PLEKHA5: variants seen among roughly 807,000 people sequenced by gnomAD.
PLEKHA5 encodes pleckstrin homology domain containing A5.
Under a neutral mutation model 181.9 loss-of-function variants are expected in PLEKHA5, and 55 were observed. That is an observed-to-expected ratio of 0.30 (90% CI 0.24 to 0.38). PLEKHA5 has a LOEUF of 0.38. Ranked by LOEUF, PLEKHA5 falls within the 10% of genes least tolerant of loss-of-function variation. The pLI, the probability that PLEKHA5 is intolerant of heterozygous loss-of-function variation, is 1.00. For synonymous variants in PLEKHA5, 535 were observed against 529.4 expected (o/e 1.01, Z -0.15); for missense variants, 1,432 against 1,549.5 (o/e 0.92, Z 1.27).
intron 20 of PLEKHA5, among the ~76,000 whole-genome samples, chr12:19,334,143 G>A (rs1209474098): frequency 6.6e-6 from 1 of 152,124 alleles, no homozygotes; most frequent in Non-Finnish European, 1.5e-5. Flanking sequence ...CCAGCCAGAT[G>A]TTGGGAGGAA....
intron 3 of PLEKHA5, among the ~76,000 whole-genome samples, chr12:19,214,429 C>G (rs1220967792): frequency 6.6e-6 from 1 of 151,940 alleles, no homozygotes; most frequent in African/African-American, 2.4e-5. Flanking sequence ...GTACAAATAG[C>G]CTTTTTGACT....
intron 3 of PLEKHA5, among the ~76,000 whole-genome samples, chr12:19,220,450 T>A (rs2152297173): frequency 1.3e-5 from 2 of 152,220 alleles, no homozygotes; most frequent in South Asian, 4.1e-4. Context: ...GAGCCCCGGT[T>A]GTGGACAAGC....
At chr12:19,158,414 C>T (rs1198750367) in intron 3 of PLEKHA5, among the ~76,000 whole-genome samples, 7 of 152,170 alleles carry the variant, frequency 4.6e-5, no homozygotes, top group Non-Finnish European at 8.8e-5. Flanking sequence ...TACAATCAAG[C>T]GTCCTGTGTA....
At chr12:19,201,973 A>G (rs1592047267) in intron 3 of PLEKHA5, 1 of 892,070 alleles carries the variant, frequency 1.1e-6, no homozygotes. Flanking sequence ...TTACACTGCA[A>G]TAAAACTAAA....
intron 3 of PLEKHA5, among the ~76,000 whole-genome samples, chr12:19,222,372 T>G (rs2152311835): frequency 6.6e-6 from 1 of 152,256 alleles, no homozygotes; most frequent in African/African-American, 2.4e-5. Flanking sequence ...TGGTACAGTT[T>G]CCCTTTGCAA....
intron 21 of PLEKHA5, among the ~76,000 whole-genome samples, chr12:19,338,895 A>T (rs10841211): frequency 0.66 from 99,718 of 150,652 alleles, 35,915 homozygotes; most frequent in Non-Finnish European, 0.83. Flanking sequence ...AAAAAAAAAA[A>T]AATAAGAAAT....
At chr12:19,133,610 T>C (rs927070342) in intron 3 of PLEKHA5, among the ~76,000 whole-genome samples, 3 of 151,980 alleles carry the variant, frequency 2.0e-5, no homozygotes, top group African/African-American at 7.2e-5. Flanking sequence ...TAATTACCTG[T>C]ATGGTTCTTT....
intron 15 of PLEKHA5, among the ~76,000 whole-genome samples, chr12:19,297,483 G>GGCGC (rs2080155468): frequency 6.6e-6 from 1 of 150,924 alleles, no homozygotes; most frequent in South Asian, 2.1e-4. Context: ...TTAGCCGGGC[G>GGCGC]CGGTGGCGGG....
chr12:19,287,914 A>G (rs2077558730), intron 13 of PLEKHA5, among the ~76,000 whole-genome samples: 1 of 152,070 alleles, frequency 6.6e-6, no homozygotes. Context: ...CCCCATCTCT[A>G]CTAAAAATAC....
At chr12:19,288,916 A>G (rs1357896319) in intron 13 of PLEKHA5, among the ~76,000 whole-genome samples, 1 of 152,226 alleles carries the variant, frequency 6.6e-6, no homozygotes, top group Non-Finnish European at 1.5e-5. Flanking sequence ...AAATAAAGTT[A>G]TTGGTATCTT....
In PLEKHA5 at chr12:19,359,411, G is replaced by C. The variant is rs987010393; in HGVS notation, c.3349-1G>C. ...AAAAATGCTATATGTCTTTTGAGCAGACTCGAAGGAGGGATGATAAGGAAC... is the reference window on the plus strand; with the variant it reads ...AAAAATGCTATATGTCTTTTGAGCACACTCGAAGGAGGGATGATAAGGAAC... On this transcript the variant is annotated splice_acceptor_variant, in intron 27 of 31. Transcript: ENST00000429027. LOFTEE classifies it high-confidence loss of function. The C allele has an allele frequency of 6.2e-7, 1 of 1,612,784 alleles. No individual in the cohort carries two copies. Among genetic ancestry groups the C allele is most frequent in the Non-Finnish European group, 8.5e-7 (1 of 1,179,174 alleles).
chr12:19,275,032 T>G (rs1406487928), intron 11 of PLEKHA5, 49 bp downstream of exon 11: 2 of 1,215,114 alleles, frequency 1.6e-6, no homozygotes, highest in African/African-American at 3.0e-5. Flanking sequence ...TGATGCTGTG[T>G]TGGTGGAGAT....
chr12:19,288,536 G>A (rs778305972), intron 13 of PLEKHA5, among the ~76,000 whole-genome samples: 2 of 152,160 alleles, frequency 1.3e-5, no homozygotes, highest in Non-Finnish European at 2.9e-5. Context: ...GCACCTGTGT[G>A]TATAGTTGTT....
intron 12 of PLEKHA5, among the ~76,000 whole-genome samples, chr12:19,285,286 T>C (rs2076986578): frequency 1.3e-5 from 2 of 152,164 alleles, no homozygotes; most frequent in African/African-American, 4.8e-5. Flanking sequence ...AATTACATGC[T>C]CTCATGGTTA....
chr12:19,375,461 G>A, intron 31 of PLEKHA5, 70 bp from the exon 32 acceptor site: 1 of 152,340 alleles, frequency 6.6e-6, no homozygotes, highest in East Asian at 1.9e-4. Context: ...GTCACCCTTA[G>A]TTACTTTGGG....
At chr12:19,161,655 G>T (rs533360307) in intron 3 of PLEKHA5, among the ~76,000 whole-genome samples, 5 of 152,260 alleles carry the variant, frequency 3.3e-5, no homozygotes, top group African/African-American at 1.2e-4. Flanking sequence ...TTTGCTCAAA[G>T]TAAAAACCAA....
chr12:19,231,523 T>C (rs1218117605), intron 3 of PLEKHA5, among the ~76,000 whole-genome samples: 1 of 149,532 alleles, frequency 6.7e-6, no homozygotes, highest in Non-Finnish European at 1.5e-5. Context: ...ACTAAATTTG[T>C]ATATATGTAC....
intron 10 of PLEKHA5, among the ~76,000 whole-genome samples, chr12:19,271,859 G>T (rs1464652681): frequency 4.6e-5 from 7 of 152,190 alleles, no homozygotes; most frequent in African/African-American, 1.7e-4. Flanking sequence ...CCAGCTTAGA[G>T]TCCGTTATCC....
intron 3 of PLEKHA5, chr12:19,150,702 A>G (rs139375259): frequency 1.1e-3 from 172 of 152,322 alleles, no homozygotes; most frequent in African/African-American, 3.6e-3. Flanking sequence ...TTTAAATGCT[A>G]TGTCACTGGT....
Sources: gnomAD v4.1 joint callset for allele counts (sites outside exome capture counted in the v4.1 genomes callset) on GRCh38, gnomAD v4.1.1 for gene constraint, MANE v1.5 for transcripts, NCBI Gene and HGNC (gene_info 2026-07-23, HGNC 2026-07-21) for gene names.